Variants in GLIS3 observed in about 807,000 individuals in gnomAD.
GLIS3 encodes the protein GLIS family zinc finger 3, also known as zinc finger protein GLIS3.
GLIS3 carries 53 observed loss-of-function variants against 78.6 expected under a neutral mutation model. That is an observed-to-expected ratio of 0.67 (90% CI 0.54 to 0.85). The LOEUF (loss-of-function observed/expected upper bound fraction) is 0.85, where lower values mean the gene tolerates loss of function less well. Among genes scored for constraint, GLIS3 ranks in the 40% least tolerant of loss-of-function variants. The pLI, the probability that GLIS3 is intolerant of heterozygous loss-of-function variation, is 0.00. For missense variants in GLIS3, 1,703 were observed against 1,231.1 expected, an observed-to-expected ratio of 1.38 and a Z score of -5.74; for synonymous variants, 684 against 509.9, an observed-to-expected ratio of 1.34 and a Z score of -4.60.
chr9:3,880,981 G>A (rs1821690234), intron 7 of GLIS3, among the ~76,000 whole-genome samples: 1 of 152,058 alleles, frequency 6.6e-6, no homozygotes, highest in Admixed American at 6.6e-5. Flanking sequence ...GTTCAGAAAG[G>A]CAAGGCTGAG....
the GLIS3 span, among the ~76,000 whole-genome samples, chr9:4,448,947 G>A: frequency 9.5e-4 from 145 of 152,336 alleles, 1 homozygote; most frequent in Middle Eastern, 3.4e-3. Context: ...GAGGTACGTG[G>A]TTCATCTCAC....
At chr9:4,352,558 C>T (rs1029263161), upstream of GLIS3, among the ~76,000 whole-genome samples, 9 of 152,186 alleles carry the variant, frequency 5.9e-5, no homozygotes, top group South Asian at 2.1e-4. Context: ...TAGAGATGGC[C>T]GTTTAAGTGA....
chr9:3,834,712 T>C (rs1367504799), intron 9 of GLIS3, among the ~76,000 whole-genome samples: 2 of 152,208 alleles, frequency 1.3e-5, no homozygotes, highest in Non-Finnish European at 2.9e-5. Flanking sequence ...TACATCTATC[T>C]TTTCCTTGCA....
At chr9:4,296,129 C>T (rs1563915006) in intron 1 of GLIS3, among the ~76,000 whole-genome samples, 1 of 152,014 alleles carries the variant, frequency 6.6e-6, no homozygotes, top group Non-Finnish European at 1.5e-5. Context: ...CATGTGACGC[C>T]ACTCTGAGTT....
intron 6 of GLIS3, among the ~76,000 whole-genome samples, chr9:3,910,715 G>A (rs1251510106): frequency 6.6e-6 from 1 of 152,168 alleles, no homozygotes; most frequent in Admixed American, 6.5e-5. Context: ...GTGATACTGG[G>A]CAAGTATATT....
intron 6 of GLIS3, among the ~76,000 whole-genome samples, chr9:3,905,998 C>T (rs1445813617): frequency 6.6e-6 from 1 of 152,060 alleles, no homozygotes; most frequent in African/African-American, 2.4e-5. Flanking sequence ...CTGAATGAAG[C>T]GATGGAGCAA....
upstream of GLIS3, among the ~76,000 whole-genome samples, chr9:4,302,064 AGTT>A (rs1449129538): frequency 6.6e-6 from 1 of 151,676 alleles, no homozygotes; most frequent in Admixed American, 6.6e-5. Flanking sequence ...GTAAAAATGC[AGTT>A]GTTCTTGTAC....
chr9:4,456,187 C>CA, the GLIS3 span, among the ~76,000 whole-genome samples: 1 of 152,146 alleles, frequency 6.6e-6, no homozygotes, highest in Non-Finnish European at 1.5e-5. Context: ...AAGCAATGCA[C>CA]AAACTTTAAT....
intron 2 of GLIS3, among the ~76,000 whole-genome samples, chr9:4,175,254 T>G (rs1158630381): frequency 6.6e-6 from 1 of 152,216 alleles, no homozygotes; most frequent in East Asian, 1.9e-4. Flanking sequence ...TATCAAAATC[T>G]GTTGATAATG....
At chr9:4,399,365 A>T in the GLIS3 span, among the ~76,000 whole-genome samples, 2,253 of 152,356 alleles carry the variant, frequency 0.015, 22 homozygotes, top group Middle Eastern at 0.071. Context: ...GCACTGCGCT[A>T]AGCTCTTTTA....
At chr9:3,995,397 A>G (rs146217646) in intron 4 of GLIS3, among the ~76,000 whole-genome samples, 203 of 152,338 alleles carry the variant, frequency 1.3e-3, no homozygotes, top group African/African-American at 4.7e-3. Context: ...ATTTCCAAAG[A>G]TAAGGTTCTA....
chr9:3,913,489 G>A (rs960785935), intron 6 of GLIS3, among the ~76,000 whole-genome samples: 4 of 152,210 alleles, frequency 2.6e-5, no homozygotes, highest in African/African-American at 7.2e-5. Context: ...GTCACACAGA[G>A]CCAAGACATT....
intron 4 of GLIS3, among the ~76,000 whole-genome samples, chr9:3,995,866 A>C (rs1309919276): frequency 2.6e-5 from 4 of 152,180 alleles, no homozygotes; most frequent in Non-Finnish European, 4.4e-5. Context: ...GGAGGTGATA[A>C]TACAGTGATG....
chr9:4,401,434 T>C, the GLIS3 span, among the ~76,000 whole-genome samples: 2 of 142,716 alleles, frequency 1.4e-5, no homozygotes, highest in Non-Finnish European at 3.0e-5. Context: ...TAATTTTGTA[T>C]TTTTTTTTTA....
intron 4 of GLIS3, among the ~76,000 whole-genome samples, chr9:4,038,924 T>G (rs1445338454): frequency 1.3e-5 from 2 of 152,150 alleles, no homozygotes; most frequent in East Asian, 3.9e-4. Flanking sequence ...TCCAAGGCAG[T>G]CTAATTTCCC....
At chr9:4,368,922 G>C in the GLIS3 span, among the ~76,000 whole-genome samples, 1 of 152,132 alleles carries the variant, frequency 6.6e-6, no homozygotes, top group Non-Finnish European at 1.5e-5. Flanking sequence ...TCTTCAATGA[G>C]AATAATCTAA....
chr9:4,148,880 C>T (rs1834443071), intron 2 of GLIS3, among the ~76,000 whole-genome samples: 1 of 152,158 alleles, frequency 6.6e-6, no homozygotes, highest in African/African-American at 2.4e-5. Flanking sequence ...CTAACCCATT[C>T]TCCTCTCTCC....
At chr9:3,911,868 C>G (rs771987243) in intron 6 of GLIS3, among the ~76,000 whole-genome samples, 1 of 152,170 alleles carries the variant, frequency 6.6e-6, no homozygotes, top group Non-Finnish European at 1.5e-5. Flanking sequence ...TGTAGAAGCA[C>G]TGTTATCACT....
upstream of GLIS3, among the ~76,000 whole-genome samples, chr9:4,351,628 G>A (rs182879955): frequency 6.6e-6 from 1 of 152,222 alleles, no homozygotes; most frequent in Admixed American, 6.5e-5. Flanking sequence ...AAAGTATGTA[G>A]TTCGGTAATG....
Sources: allele counts gnomAD v4.1 joint callset (sites outside exome capture counted in the v4.1 genomes callset), GRCh38; gene constraint gnomAD v4.1.1; transcripts MANE v1.5; gene names NCBI Gene and HGNC (gene_info 2026-07-23, HGNC 2026-07-21).